The following ST6GALNAC3 variants were observed in gnomAD, a reference collection of about 807,000 sequenced individuals.
The protein encoded by ST6GALNAC3 is alpha-N-acetylgalactosaminide alpha-2,6-sialyltransferase 3.
Under a neutral mutation model 32.7 loss-of-function variants are expected in ST6GALNAC3, and 25 were observed. The ratio of observed to expected loss-of-function variants is 0.76; its 90% CI spans 0.56 to 1.07. The LOEUF is 1.07. Ranked by LOEUF, ST6GALNAC3 falls within the 50% of genes least tolerant of loss-of-function variation. The pLI is 0.00. For missense variants in ST6GALNAC3, 355 were observed against 382.4 expected (o/e 0.93, Z 0.60); for synonymous variants, 129 against 133.1 (o/e 0.97, Z 0.21).
At position 76,525,792 on chromosome 1, in the gene ST6GALNAC3, T is replaced by TAC. The variant is rs397980573; in HGVS notation, c.624-101659_624-101658insCA. Among the ~76,000 whole-genome samples, 20 of 5,952 alleles carry TAC rather than the reference T, an allele frequency of 3.4e-3. No individual in the cohort carries two copies. The Admixed American group carries it at 0.047, about 14-fold the overall frequency. The allele number at this position is 5,952 out of a possible 152,430, so 3.9% of individuals were successfully genotyped here. Reference sequence around the variant, plus strand: ...GTGTTTGTGTGTGTGTGTGTGTGTGTATATATATATATATATATATATATA... The same window carrying TAC: ...GTGTTTGTGTGTGTGTGTGTGTGTGTACATATATATATATATATATATATATA... On this transcript the variant is annotated intron_variant, in intron 3 of 4. Coordinates refer to ENST00000328299, the MANE Select transcript of ST6GALNAC3 (RefSeq NM_152996.4).
intron 1 of ST6GALNAC3, among the ~76,000 whole-genome samples, chr1:76,280,075 CTCCACT>C (rs947197069): frequency 2.6e-5 from 4 of 152,006 alleles, no homozygotes; most frequent in African/African-American, 9.7e-5. Context: ...TTCCTTCTCC[CTCCACT>C]TCTCCTTCGC....
At chr1:76,361,101 T>C (rs1202577606) in intron 2 of ST6GALNAC3, among the ~76,000 whole-genome samples, 1 of 152,156 alleles carries the variant, frequency 6.6e-6, no homozygotes, top group Non-Finnish European at 1.5e-5. Context: ...AAATTTAGCA[T>C]CTTAACCATT....
At chr1:76,211,102 T>C (rs959535585) in intron 1 of ST6GALNAC3, among the ~76,000 whole-genome samples, 2 of 152,202 alleles carry the variant, frequency 1.3e-5, no homozygotes, top group Non-Finnish European at 2.9e-5. Context: ...CTTAATTACT[T>C]CTTTAAAGTC....
At chr1:76,354,829 C>A (rs1012170228) in intron 2 of ST6GALNAC3, among the ~76,000 whole-genome samples, 4 of 152,122 alleles carry the variant, frequency 2.6e-5, no homozygotes, top group Non-Finnish European at 4.4e-5. Context: ...GTTATTTAAC[C>A]ATTCCGAGGC....
chr1:76,593,369 T>G (rs1021819656), intron 3 of ST6GALNAC3, among the ~76,000 whole-genome samples: 3 of 152,174 alleles, frequency 2.0e-5, no homozygotes, highest in Non-Finnish European at 4.4e-5. Context: ...CTGGTATCCT[T>G]AATAGCAACA....
intron 1 of ST6GALNAC3, among the ~76,000 whole-genome samples, chr1:76,134,849 G>A (rs892335382): frequency 7.2e-5 from 11 of 152,190 alleles, no homozygotes; most frequent in African/African-American, 1.9e-4. Flanking sequence ...CATTATAAAA[G>A]TAATACTTTC....
chr1:76,375,782 C>G (rs1540963), intron 2 of ST6GALNAC3, among the ~76,000 whole-genome samples: 48,141 of 152,060 alleles, frequency 0.32, 8,729 homozygotes, highest in Middle Eastern at 0.43. Flanking sequence ...TTAAATAAAT[C>G]AGGATTTATT....
chr1:76,460,718 C>G lies in ST6GALNAC3; in HGVS notation c.623+48301C>G, dbSNP rs187166165. On this transcript the variant is annotated intron_variant, in intron 3 of 4. Coordinates refer to ENST00000328299, the MANE Select transcript of ST6GALNAC3 (RefSeq NM_152996.4). ...TCTAAGCAGTAACACGATTATAACCCAAAACAGCAGCCTGTTATCTATCAT... is the reference window on the plus strand; with the variant it reads ...TCTAAGCAGTAACACGATTATAACCGAAAACAGCAGCCTGTTATCTATCAT... 3.6e-3 allele frequency among the ~76,000 whole-genome samples: 553 copies of G among 152,268 alleles called. 2 individuals carry two copies. The highest frequency in any genetic ancestry group is 5.5e-3 in the Non-Finnish European group (372 of 68,028).
chr1:76,502,723 A>C (rs1373686204), intron 3 of ST6GALNAC3, among the ~76,000 whole-genome samples: 1 of 152,162 alleles, frequency 6.6e-6, no homozygotes, highest in Non-Finnish European at 1.5e-5. Flanking sequence ...TAGACGTATA[A>C]ATTTTAAAAG....
intron 1 of ST6GALNAC3, among the ~76,000 whole-genome samples, chr1:76,178,761 G>T (rs1684945): frequency 6.6e-6 from 1 of 152,022 alleles, no homozygotes; most frequent in South Asian, 2.1e-4. Context: ...ACTGTCAGTC[G>T]GTTCAGAGCA....
rs531591542 is a variant in ST6GALNAC3 at position 76,349,776 on chromosome 1, A to T, written c.213+35777A>T. Among the ~76,000 whole-genome samples the T allele has an allele frequency of 9.9e-5, 15 of 152,258 alleles. No homozygotes were observed. In the South Asian group the frequency reaches 2.9e-3, roughly 30 times the overall value. ...CTCCTCTCCTTCCCAAAGTTGGATC[A>T]TTATGTTAGCATTTTGGTTCTTCTG... On this transcript the variant is annotated intron_variant, in intron 2 of 4. Transcript: ENST00000328299.
Position 76,507,532 on chromosome 1 carries a change from GATAA to G in ST6GALNAC3, c.623+95119_623+95122del, listed in dbSNP as rs368425711. ...TCTGGCTATTCCATATAAATGCACTGATAAATATGTGGTCTATTGTGAGTGACGT... is the reference window on the plus strand; with the variant it reads ...TCTGGCTATTCCATATAAATGCACTGATATGTGGTCTATTGTGAGTGACGT... On this transcript the variant is annotated intron_variant, in intron 3 of 4. Coordinates refer to ENST00000328299, the MANE Select transcript of ST6GALNAC3 (RefSeq NM_152996.4). Among the ~76,000 whole-genome samples, 248 of 152,266 alleles carry G rather than the reference GATAA, an allele frequency of 1.6e-3. 1 individual carries two copies. Among genetic ancestry groups the G allele is most frequent in the African/African-American group, 5.5e-3 (230 of 41,556 alleles).
At chr1:76,303,458 T>C (rs1394099920) in intron 1 of ST6GALNAC3, among the ~76,000 whole-genome samples, 1 of 152,036 alleles carries the variant, frequency 6.6e-6, no homozygotes, top group Non-Finnish European at 1.5e-5. Flanking sequence ...CCAGACCCTA[T>C]TCTCTTGCCT....
At chr1:76,097,021 C>T (rs574325555) in intron 1 of ST6GALNAC3, among the ~76,000 whole-genome samples, 4 of 151,250 alleles carry the variant, frequency 2.6e-5, no homozygotes, top group Admixed American at 1.3e-4. Context: ...CGGGTTCAAG[C>T]GATTCTCCTG....
intron 1 of ST6GALNAC3, among the ~76,000 whole-genome samples, chr1:76,089,240 A>G (rs1446197020): frequency 6.6e-6 from 1 of 151,880 alleles, no homozygotes; most frequent in Non-Finnish European, 1.5e-5. Context: ...TTTAGAAGAG[A>G]CGGGGTTTCA....
chr1:76,625,234 T>C lies in ST6GALNAC3; in HGVS notation c.624-2218T>C, dbSNP rs1498371. Reference sequence around the variant, plus strand: ...TGTGTGCCTCCCTCACTAGACCATGTACTCTTAAGAAAATATTCATCACCA... The same window carrying C: ...TGTGTGCCTCCCTCACTAGACCATGCACTCTTAAGAAAATATTCATCACCA... On this transcript the variant is annotated intron_variant, in intron 3 of 4. Transcript: ENST00000328299. 1.7e-3 allele frequency among the ~76,000 whole-genome samples: 257 copies of C among 152,098 alleles called. 5 individuals carry two copies. The East Asian group carries it at 0.047, about 28-fold the overall frequency.
chr1:76,130,573 C>G (rs1467926653), intron 1 of ST6GALNAC3, among the ~76,000 whole-genome samples: 1 of 152,186 alleles, frequency 6.6e-6, no homozygotes, highest in Non-Finnish European at 1.5e-5. Context: ...CCCTTGGGGT[C>G]CTGGCCTGGC....
At chr1:76,220,865 C>T in intron 1 of ST6GALNAC3, among the ~76,000 whole-genome samples, 1 of 152,138 alleles carries the variant, frequency 6.6e-6, no homozygotes, top group Non-Finnish European at 1.5e-5. Flanking sequence ...TTTGCACTTT[C>T]AAAAAACATT....
At chr1:76,529,544 T>G (rs923085310) in intron 3 of ST6GALNAC3, among the ~76,000 whole-genome samples, 1 of 152,146 alleles carries the variant, frequency 6.6e-6, no homozygotes. Flanking sequence ...TTGAATGATA[T>G]TCATACACTC....
Sources: allele counts gnomAD v4.1 joint callset (sites outside exome capture counted in the v4.1 genomes callset), GRCh38; gene constraint gnomAD v4.1.1; transcripts MANE v1.5; gene names NCBI Gene and HGNC (gene_info 2026-07-23, HGNC 2026-07-21).